CLNS1A: variants seen among roughly 807,000 people sequenced by gnomAD.
CLNS1A encodes the protein methylosome subunit pICln.
Under a neutral mutation model 29.4 loss-of-function variants are expected in CLNS1A, and 16 were observed. The observed-to-expected ratio is 0.54, with a 90% CI of 0.37 to 0.83. CLNS1A has a LOEUF of 0.83. CLNS1A is among the 40% of genes least tolerant of loss of function. The pLI, the probability that CLNS1A is intolerant of heterozygous loss-of-function variation, is 0.00. For synonymous variants in CLNS1A, 96 were observed against 104.8 expected (o/e 0.92, Z 0.51); for missense variants, 235 against 287.4 (o/e 0.82, Z 1.32).
At chr11:77,625,449 C>A in intron 3 of CLNS1A, 1 of 481,980 alleles carries the variant, frequency 2.1e-6, no homozygotes, top group Non-Finnish European at 3.6e-6. Flanking sequence ...AAGTCAACAG[C>A]ACCAATCAGT....
chr11:77,631,419 C>A (rs1213320630), intron 1 of CLNS1A, among the ~76,000 whole-genome samples: 1 of 150,322 alleles, frequency 6.7e-6, no homozygotes, highest in Non-Finnish European at 1.5e-5. Context: ...CTCTCGGGTT[C>A]ACGCCATTCT....
chr11:77,614,710 T>A lies in CLNS1A; in HGVS notation c.*2008A>T, dbSNP rs1273528078. 1 of 152,208 alleles carries A rather than the reference T, an allele frequency of 6.6e-6. No homozygotes were observed. The highest frequency in any genetic ancestry group is 1.9e-4 in the East Asian group (1 of 5,200). 9.4% of individuals were successfully genotyped at this position (152,208 alleles called of 1,614,324 possible). ...ACCTAGAACAGAGAACCATTAACCC[T>A]AGCTTTTAGGAACATTTAGATGACT... On this transcript the variant is annotated 3_prime_UTR_variant, in exon 7 of 7. Transcript: ENST00000525428.
At position 77,615,630 on chromosome 11, in the gene CLNS1A, CAG is replaced by C. The variant is rs1185368528; in HGVS notation, c.*1086_*1087del. 2.0e-5 allele frequency: 3 copies of C among 152,094 alleles called. No homozygotes were observed. Among genetic ancestry groups the C allele is most frequent in the Non-Finnish European group, 2.9e-5 (2 of 68,016 alleles). 9.4% of individuals were successfully genotyped at this position (152,094 alleles called of 1,614,324 possible). Reference sequence around the variant, plus strand: ...TTTACTTGCCTATTGTTAACAGACTCAGAAATTCTGAGAGTCTGGTTAGAAAA... The same window carrying C: ...TTTACTTGCCTATTGTTAACAGACTCAAATTCTGAGAGTCTGGTTAGAAAA... On this transcript the variant is annotated 3_prime_UTR_variant, in exon 7 of 7. Coordinates refer to ENST00000525428, the MANE Select transcript of CLNS1A (RefSeq NM_001293.3).
intron 1 of CLNS1A, among the ~76,000 whole-genome samples, chr11:77,634,416 T>A (rs1959103187): frequency 6.6e-6 from 1 of 152,170 alleles, no homozygotes; most frequent in Middle Eastern, 3.2e-3. Context: ...TTTTTGTATT[T>A]ATGTTTCACA....
chr11:77,623,364 A>G (rs2135764637), intron 4 of CLNS1A, among the ~76,000 whole-genome samples: 1 of 152,268 alleles, frequency 6.6e-6, no homozygotes, highest in Admixed American at 6.5e-5. Context: ...CCGAGCTGGG[A>G]GGACTGCTTG....
intron 2 of CLNS1A, among the ~76,000 whole-genome samples, chr11:77,626,534 G>A (rs1272472036): frequency 2.0e-5 from 3 of 151,838 alleles, no homozygotes; most frequent in African/African-American, 4.8e-5. Flanking sequence ...AGCTACTCAG[G>A]AGGTTGAGGC....
chr11:77,637,421 A>T (rs1340319159), intron 1 of CLNS1A, among the ~76,000 whole-genome samples, 169 bp downstream of exon 1: 2 of 150,980 alleles, frequency 1.3e-5, no homozygotes, highest in Non-Finnish European at 2.9e-5. Context: ...GAGGAGTACT[A>T]GAAAAATCGA....
intron 2 of CLNS1A, among the ~76,000 whole-genome samples, chr11:77,629,543 A>G (rs970866085): frequency 1.3e-5 from 2 of 151,796 alleles, no homozygotes; most frequent in Non-Finnish European, 2.9e-5. Flanking sequence ...ACAGGCGCCC[A>G]CCACCACGCC....
chr11:77,619,443 G>A, intron 6 of CLNS1A, 163 bp downstream of exon 6: 1 of 581,246 alleles, frequency 1.7e-6, no homozygotes, highest in Non-Finnish European at 3.1e-6. Flanking sequence ...GAGGCAGGTG[G>A]ATTGCTTGAG....
chr11:77,620,240 G>GTCTT (rs1958943347), intron 5 of CLNS1A, among the ~76,000 whole-genome samples: 1 of 152,098 alleles, frequency 6.6e-6, no homozygotes, highest in South Asian at 2.1e-4. Flanking sequence ...ATGGGGGCAG[G>GTCTT]TCTTTCCCGT....
rs111677001 is a variant in CLNS1A at position 77,615,893 on chromosome 11, A to T, written c.*825T>A. The T allele has an allele frequency of 6.6e-6, 1 of 152,232 alleles. No individual in the cohort carries two copies. Among genetic ancestry groups the T allele is most frequent in the African/African-American group, 2.4e-5 (1 of 41,450 alleles). The allele number at this position is 152,232 out of a possible 1,614,324, so 9.4% of individuals were successfully genotyped here. A position where few individuals can be genotyped will look rare whatever the true frequency, so the allele number is the denominator to read the frequency against. ...GCCTTATAATACCCAGGTATCTATG[A>T]AAACTAAAAATTGAGAGTTGATAAA... On this transcript the variant is annotated 3_prime_UTR_variant, in exon 7 of 7. Transcript: ENST00000525428.
At chr11:77,629,734 G>A (rs773632946) in intron 2 of CLNS1A, 29 bp downstream of exon 2, 4 of 1,600,034 alleles carry the variant, frequency 2.5e-6, no homozygotes, top group South Asian at 1.1e-5. Context: ...TATCAAAGGA[G>A]GCATTAGATT....
At chr11:77,634,200 T>C (rs1443366750) in intron 1 of CLNS1A, among the ~76,000 whole-genome samples, 2 of 152,060 alleles carry the variant, frequency 1.3e-5, no homozygotes, top group East Asian at 3.9e-4. Flanking sequence ...CTAAACCAAG[T>C]CCAGCCAAAC....
chr11:77,627,918 C>T (rs968628243), intron 2 of CLNS1A, among the ~76,000 whole-genome samples: 9 of 152,236 alleles, frequency 5.9e-5, no homozygotes, highest in Non-Finnish European at 7.4e-5. Flanking sequence ...CTCCACCTCC[C>T]GGGTTCAAGT....
At chr11:77,625,513 A>G (rs1003496382) in intron 3 of CLNS1A, 1 of 537,306 alleles carries the variant, frequency 1.9e-6, no homozygotes, top group Non-Finnish European at 3.2e-6. Context: ...AGTGTCTACA[A>G]TATTCTCACT....
chr11:77,624,639 G>C (rs911601819), intron 4 of CLNS1A, among the ~76,000 whole-genome samples: 1 of 152,052 alleles, frequency 6.6e-6, no homozygotes, highest in Non-Finnish European at 1.5e-5. Flanking sequence ...GACCAACATG[G>C]AGAAACCCCA....
In CLNS1A at chr11:77,629,897, C is replaced by A. The variant is rs773146505; in HGVS notation, c.128G>T (p.Arg43Leu). The A allele has an allele frequency of 6.2e-6, 10 of 1,613,324 alleles. No homozygotes were observed. The highest frequency in any genetic ancestry group is 3.3e-5 in the Admixed American group (2 of 59,936). The part of the protein sequence containing the change: ...GTGTLYIAES[R>L]LSWLDGSGLG... The stretch of plus-strand genomic sequence containing the variant: ...TCCAGAGCCATCTAACCAAGACAGG[C>A]GGCTGAAAAACATGTTTTAAGTAGA... The change falls in exon 2 of 7, where the codon CGC becomes CTC. Residue 43 changes from arginine (R) to leucine (L), a missense_variant and splice_region_variant. Coordinates refer to ENST00000525428, the MANE Select transcript of CLNS1A (RefSeq NM_001293.3).
chr11:77,628,973 C>A (rs972553954), intron 2 of CLNS1A, among the ~76,000 whole-genome samples: 1 of 152,014 alleles, frequency 6.6e-6, no homozygotes, highest in African/African-American at 2.4e-5. Context: ...ACCAATAATA[C>A]CCTTCCTCTT....
chr11:77,629,952 G>A, intron 1 of CLNS1A, 53 bp from the exon 2 acceptor site: 1 of 1,559,744 alleles, frequency 6.4e-7, no homozygotes. Context: ...CCTCATGTAA[G>A]ACCACAAAGT....
Sources: allele counts gnomAD v4.1 joint callset (sites outside exome capture counted in the v4.1 genomes callset), GRCh38; gene constraint gnomAD v4.1.1; transcripts MANE v1.5; gene names NCBI Gene and HGNC (gene_info 2026-07-23, HGNC 2026-07-21).